NFYA: variants seen among roughly 807,000 people sequenced by gnomAD.
The protein encoded by NFYA is nuclear transcription factor Y subunit alpha.
In NFYA, 28 loss-of-function variants were observed where a neutral mutation model predicts 52.8. That is an observed-to-expected ratio of 0.53 (90% CI 0.39 to 0.73). The LOEUF (loss-of-function observed/expected upper bound fraction) is 0.73, where lower values mean the gene tolerates loss of function less well. NFYA is among the 30% of genes least tolerant of loss of function. NFYA has a pLI of 0.00. For synonymous variants in NFYA, 150 were observed against 150.7 expected, an observed-to-expected ratio of 1.00 and a Z score of 0.03; for missense variants, 234 against 427.0, an observed-to-expected ratio of 0.55 and a Z score of 3.98.
chr6:41,080,388 C>T (rs2113793580), intron 2 of NFYA, among the ~76,000 whole-genome samples: 1 of 152,152 alleles, frequency 6.6e-6, no homozygotes, highest in South Asian at 2.1e-4. Context: ...ATTAATTACT[C>T]CTCCTTTCTT....
chr6:41,074,905 T>C (rs115646327), intron 1 of NFYA, among the ~76,000 whole-genome samples: 93 of 152,178 alleles, frequency 6.1e-4, no homozygotes, highest in African/African-American at 2.1e-3. Flanking sequence ...ATGTGAATCA[T>C]CTAGTGCATT....
rs1311372569 is a variant in NFYA at position 41,101,251 on chromosome 6, C to T, written c.*3841C>T. 1 of 152,256 alleles carries T rather than the reference C, an allele frequency of 6.6e-6. No homozygotes were observed. The highest frequency in any genetic ancestry group is 2.4e-5 in the African/African-American group (1 of 41,462). 9.4% of individuals were successfully genotyped at this position (152,256 alleles called of 1,614,324 possible). A position where few individuals can be genotyped will look rare whatever the true frequency, so the allele number is the denominator to read the frequency against. Reference sequence around the variant, plus strand: ...AGAGGCGGCCGTTGGGTCTAAGCCCCTGGAGGCCTCGACGGTTACAGGCCT... The same window carrying T: ...AGAGGCGGCCGTTGGGTCTAAGCCCTTGGAGGCCTCGACGGTTACAGGCCT... On this transcript the variant is annotated 3_prime_UTR_variant, in exon 10 of 10. Coordinates refer to ENST00000341376, the MANE Select transcript of NFYA (RefSeq NM_002505.5).
chr6:41,094,544 G>A (rs1242070460), intron 9 of NFYA, 47 bp downstream of exon 9: 2 of 1,477,406 alleles, frequency 1.4e-6, no homozygotes, highest in African/African-American at 1.4e-5. Flanking sequence ...ACCTTGTATT[G>A]ACTTGAGTTG....
At chr6:41,095,651 A>G (rs988395979) in intron 9 of NFYA, among the ~76,000 whole-genome samples, 22 of 152,266 alleles carry the variant, frequency 1.4e-4, no homozygotes, top group African/African-American at 5.3e-4. Flanking sequence ...GGCAGGTCTC[A>G]AACTCCTAGG....
chr6:41,092,457 TG>T (rs1764221780), intron 7 of NFYA, among the ~76,000 whole-genome samples: 1 of 152,250 alleles, frequency 6.6e-6, no homozygotes, highest in South Asian at 2.1e-4. Context: ...TACAGGACTC[TG>T]TTACTTGTTT....
At position 41,087,252 on chromosome 6, in the gene NFYA, G is replaced by C. The variant is rs114270731; in HGVS notation, c.310-2327G>C. ...TTTCTGAATGCCAATTATGAGCTGA[G>C]TATTTGGAAAAAATAATTCAGAAGA... is the stretch of plus-strand genomic sequence containing the variant. On this transcript the variant is annotated intron_variant, in intron 4 of 9. Transcript: ENST00000341376. 4.1e-3 allele frequency among the ~76,000 whole-genome samples: 626 copies of C among 152,308 alleles called. 4 individuals are homozygous for C. The highest frequency in any genetic ancestry group is 0.013 in the African/African-American group (558 of 41,572).
Position 41,097,534 on chromosome 6 carries a change from A to G in NFYA, c.*124A>G. On this transcript the variant is annotated 3_prime_UTR_variant, in exon 10 of 10. Coordinates refer to ENST00000341376, the MANE Select transcript of NFYA (RefSeq NM_002505.5). ...CTTTACTACAGGACAGAAACCACTTAGTTTTTAATAAGTGGCTCAGTATTA... is the reference window on the plus strand; with the variant it reads ...CTTTACTACAGGACAGAAACCACTTGGTTTTTAATAAGTGGCTCAGTATTA... The G allele has an allele frequency of 1.0e-6, 1 of 962,460 alleles. No individual in the cohort carries two copies. Among genetic ancestry groups the G allele is most frequent in the African/African-American group, 1.6e-5 (1 of 60,706 alleles). 59.6% of individuals were successfully genotyped at this position (962,460 alleles called of 1,614,324 possible). A position where few individuals can be genotyped will look rare whatever the true frequency, so the allele number is the denominator to read the frequency against.
intron 9 of NFYA, 66 bp downstream of exon 9, chr6:41,094,563 A>G (rs1764295690): frequency 1.6e-6 from 2 of 1,220,374 alleles, no homozygotes; most frequent in South Asian, 1.2e-5. Flanking sequence ...TGAAGCCTTC[A>G]GCAGTGTCCT....
At chr6:41,077,139 A>G (rs1166054905) in intron 1 of NFYA, among the ~76,000 whole-genome samples, 3 of 152,204 alleles carry the variant, frequency 2.0e-5, no homozygotes, top group Non-Finnish European at 4.4e-5. Flanking sequence ...TCAAGGAAAA[A>G]ATCTCATATA....
rs191152180 is a variant in NFYA, at chr6:41,073,763, C to T, written c.-62+679C>T. Among the ~76,000 whole-genome samples, 71 of 152,122 alleles carry T rather than the reference C, an allele frequency of 4.7e-4. No homozygotes were observed. The East Asian group carries it at 8.5e-3, about 18-fold the overall frequency. On this transcript the variant is annotated intron_variant, in intron 1 of 9. Coordinates refer to ENST00000341376, the MANE Select transcript of NFYA (RefSeq NM_002505.5). ...GTGGGGAGAGGGGGCCGTTAGTTCG[C>T]CCACTCCCCCTGCTCCGCCGCGCCC...
intron 1 of NFYA, among the ~76,000 whole-genome samples, chr6:41,073,801 C>G: frequency 6.6e-6 from 1 of 152,258 alleles, no homozygotes; most frequent in East Asian, 1.9e-4. Context: ...CCTCCCAGCC[C>G]GCTCCGCCCG....
intron 3 of NFYA, among the ~76,000 whole-genome samples, chr6:41,083,274 A>G (rs1346453778): frequency 1.3e-5 from 2 of 152,206 alleles, no homozygotes; most frequent in African/African-American, 4.8e-5. Flanking sequence ...GGAGCTTGAA[A>G]TTTGTACACT....
intron 1 of NFYA, among the ~76,000 whole-genome samples, chr6:41,076,727 G>C (rs971968393): frequency 1.3e-5 from 2 of 152,232 alleles, no homozygotes; most frequent in South Asian, 4.1e-4. Context: ...GCAAGAGCTA[G>C]ACAGACTAAA....
At chr6:41,077,381 A>G (rs1763768195) in intron 1 of NFYA, among the ~76,000 whole-genome samples, 1 of 151,962 alleles carries the variant, frequency 6.6e-6, no homozygotes, top group Non-Finnish European at 1.5e-5. Flanking sequence ...ATGCCAGTCA[A>G]CCTCCCTCTT....
intron 5 of NFYA, 80 bp from the exon 6 acceptor site, chr6:41,090,123 AT>A (rs202114917): frequency 8.5e-3 from 6,783 of 797,668 alleles, no homozygotes; most frequent in Non-Finnish European, 9.7e-3. Flanking sequence ...CAAAAAAATA[AT>A]TTTTTTTTTT....
Position 41,094,165 on chromosome 6 carries a change from A to T in NFYA, c.889-231A>T, listed in dbSNP as rs569027928. ...TAGGTGGTAGTCTGTTATTTTTTTT[A>T]AAAAAAATTCATACTATAAGCATTC... On this transcript the variant is annotated intron_variant, in intron 8 of 9. Coordinates refer to ENST00000341376, the MANE Select transcript of NFYA (RefSeq NM_002505.5). Among the ~76,000 whole-genome samples the T allele has an allele frequency of 7.2e-4, 109 of 151,692 alleles. 1 individual carries two copies. The highest frequency in any genetic ancestry group is 1.9e-3 in the South Asian group (9 of 4,820).
In NFYA at chr6:41,094,511, T is replaced by A; in HGVS notation, c.990+14T>A. 1 of 1,593,274 alleles carries A rather than the reference T, an allele frequency of 6.3e-7. No individual in the cohort carries two copies. The highest frequency in any genetic ancestry group is 8.6e-7 in the Non-Finnish European group (1 of 1,160,964). On this transcript the variant is annotated intron_variant, in intron 9 of 9. Transcript: ENST00000341376. ...CCCCATATGCAGGTAGGAAGACATATACATTTTATTCTTCTCTTTATTACC... is the reference window on the plus strand; with the variant it reads ...CCCCATATGCAGGTAGGAAGACATAAACATTTTATTCTTCTCTTTATTACC...
intron 4 of NFYA, among the ~76,000 whole-genome samples, chr6:41,089,017 G>A (rs1164649824): frequency 1.3e-5 from 2 of 151,880 alleles, no homozygotes; most frequent in African/African-American, 2.4e-5. Context: ...ACGGAATCTC[G>A]CTCTGTCGCC....
At chr6:41,078,734 G>C (rs111463876) in intron 1 of NFYA, among the ~76,000 whole-genome samples, 1 of 152,170 alleles carries the variant, frequency 6.6e-6, no homozygotes, top group African/African-American at 2.4e-5. Context: ...GGTATGCCTT[G>C]TATCAAAGTG....
Sources: gnomAD v4.1 joint callset for allele counts (sites outside exome capture counted in the v4.1 genomes callset) on GRCh38, gnomAD v4.1.1 for gene constraint, MANE v1.5 for transcripts, NCBI Gene and HGNC (gene_info 2026-07-23, HGNC 2026-07-21) for gene names.